Variants in RSPRY1 observed in about 807,000 individuals in gnomAD.
RSPRY1 encodes ring finger and SPRY domain containing 1, also known as RING finger and SPRY domain-containing protein 1.
Under a neutral mutation model 73.1 loss-of-function variants are expected in RSPRY1, and 23 were observed. The ratio of observed to expected loss-of-function variants is 0.31; its 90% CI spans 0.23 to 0.45. The LOEUF (loss-of-function observed/expected upper bound fraction) is 0.45, where lower values mean the gene tolerates loss of function less well. Among genes scored for constraint, RSPRY1 ranks in the 20% least tolerant of loss-of-function variants. RSPRY1 has a pLI of 1.00. For missense variants in RSPRY1, 448 were observed against 698.7 expected, an observed-to-expected ratio of 0.64 and a Z score of 4.05; for synonymous variants, 226 against 251.4, an observed-to-expected ratio of 0.90 and a Z score of 0.95.
chr16:57,230,905 A>G, intron 12 of RSPRY1, 92 bp downstream of exon 12: 1 of 773,212 alleles, frequency 1.3e-6, no homozygotes, highest in Non-Finnish European at 2.1e-6. Flanking sequence ...TTATATATGC[A>G]ATTGTGATGA....
intron 13 of RSPRY1, among the ~76,000 whole-genome samples, chr16:57,234,248 T>G (rs950017397): frequency 6.6e-6 from 1 of 152,150 alleles, no homozygotes; most frequent in East Asian, 1.9e-4. Flanking sequence ...ACCACAAAAC[T>G]TACTTCCTCA....
chr16:57,233,485 C>T (rs1343712981), intron 13 of RSPRY1, among the ~76,000 whole-genome samples: 3 of 152,178 alleles, frequency 2.0e-5, no homozygotes, highest in African/African-American at 4.8e-5. Context: ...GATCCTCCCA[C>T]CTCAGCCTCC....
intron 1 of RSPRY1, among the ~76,000 whole-genome samples, chr16:57,187,640 G>A (rs555001211): frequency 1.9e-4 from 29 of 152,204 alleles, no homozygotes; most frequent in Non-Finnish European, 4.0e-4. Context: ...AGGAATAAAA[G>A]TGAAGGCACT....
At chr16:57,221,210 C>T in intron 9 of RSPRY1, 62 bp from the exon 10 acceptor site, 1 of 1,583,702 alleles carries the variant, frequency 6.3e-7, no homozygotes, top group Non-Finnish European at 8.6e-7. Context: ...TCCCAGTAGT[C>T]AGTTATCTTT....
In RSPRY1 at chr16:57,216,957, T is replaced by C. The variant is rs1301926941; in HGVS notation, c.823T>C (p.Leu275=). The change falls in exon 8 of 15, where the codon TTG becomes CTG. Residue 275 remains leucine, a synonymous_variant. Transcript: ENST00000394420. ...ESSISDRLVT[L]ESWANDPDYL... ...CAGTATTAGTGACCGGCTTGTCACA[T>C]TGGAGTCCTGGGCTAATGATCCTGA... 1 of 1,613,872 alleles carries C rather than the reference T, an allele frequency of 6.2e-7. No homozygotes were observed. The highest frequency in any genetic ancestry group is 1.3e-5 in the African/African-American group (1 of 75,062).
At chr16:57,227,776 G>A (rs2075141768) in intron 11 of RSPRY1, among the ~76,000 whole-genome samples, 1 of 152,140 alleles carries the variant, frequency 6.6e-6, no homozygotes, top group South Asian at 2.1e-4. Context: ...AGGGACACTG[G>A]AATTGTAATG....
chr16:57,212,846 CT>C, intron 4 of RSPRY1, 125 bp from the exon 5 acceptor site: 1 of 892,702 alleles, frequency 1.1e-6, no homozygotes, highest in Non-Finnish European at 1.7e-6. Flanking sequence ...AACTCTTGAC[CT>C]TGTGGTCCGC....
chr16:57,196,603 C>G (rs1394553695), intron 1 of RSPRY1, among the ~76,000 whole-genome samples: 1 of 152,146 alleles, frequency 6.6e-6, no homozygotes, highest in Non-Finnish European at 1.5e-5. Flanking sequence ...CTAATGCCGT[C>G]TATGGGATGA....
At chr16:57,198,176 G>A (rs1211054362) in intron 1 of RSPRY1, among the ~76,000 whole-genome samples, 1 of 152,118 alleles carries the variant, frequency 6.6e-6, no homozygotes, top group East Asian at 1.9e-4. Context: ...ACGAGGTCAG[G>A]AGATCGAGAC....
chr16:57,220,471 G>A lies in RSPRY1; in HGVS notation c.902-261G>A, dbSNP rs568217134. 4 of 227,198 alleles carry A rather than the reference G, an allele frequency of 1.8e-5. No individual in the cohort carries two copies. The East Asian group carries it at 3.5e-4, about 20-fold the overall frequency. 14.1% of individuals were successfully genotyped at this position (227,198 alleles called of 1,614,324 possible). A position where few individuals can be genotyped will look rare whatever the true frequency, so the allele number is the denominator to read the frequency against. The stretch of plus-strand genomic sequence containing the variant: ...TTGTTTGCTATTGGCATATAGAAAT[G>A]CTATTGATTTTTGTCTGTTAATTTT... On this transcript the variant is annotated intron_variant, in intron 8 of 14. Transcript: ENST00000394420.
At chr16:57,196,468 G>A (rs933257460) in intron 1 of RSPRY1, among the ~76,000 whole-genome samples, 3 of 152,180 alleles carry the variant, frequency 2.0e-5, no homozygotes, top group African/African-American at 7.2e-5. Flanking sequence ...AAATGTGGCT[G>A]CCATCAGAGT....
intron 12 of RSPRY1, 36 bp downstream of exon 12, chr16:57,230,849 TG>T: frequency 1.7e-6 from 2 of 1,162,312 alleles, no homozygotes; most frequent in Non-Finnish European, 2.6e-6. Flanking sequence ...TTCGAGTAGA[TG>T]CACGGAATGC....
Position 57,213,052 on chromosome 16 carries a change from C to A in RSPRY1, c.597C>A (p.His199Gln). The change falls in exon 5 of 15, where the codon CAC becomes CAA. Residue 199 changes from histidine (H) to glutamine (Q), a missense_variant. Transcript: ENST00000394420. ...AGGACTCAAGCCATCCTGCCAAACA[C>A]AGGAACACATCTGCAGTCCTAGGCT... ...ACQDSSHPAK[H>Q]RNTSAVLGCL... 2 of 1,614,128 alleles carry A rather than the reference C, an allele frequency of 1.2e-6. No individual in the cohort carries two copies. Among genetic ancestry groups the A allele is most frequent in the South Asian group, 1.1e-5 (1 of 91,074 alleles).
Position 57,214,218 on chromosome 16 carries a change from G to A in RSPRY1, c.702+272G>A, listed in dbSNP as rs143618678. ...GATAGCTGCTATGATTGGCTCTTTT[G>A]CATGTTCCTTGAGTTTGCCAAATGG... On this transcript the variant is annotated intron_variant, in intron 6 of 14. Transcript: ENST00000394420. Among the ~76,000 whole-genome samples the A allele has an allele frequency of 6.8e-4, 103 of 152,292 alleles. 1 individual carries two copies. In the East Asian group the frequency reaches 0.017, roughly 25 times the overall value.
chr16:57,189,872 T>G (rs959015629), intron 1 of RSPRY1, among the ~76,000 whole-genome samples: 19 of 152,104 alleles, frequency 1.2e-4, no homozygotes, highest in African/African-American at 4.6e-4. Flanking sequence ...ATTACAGGTG[T>G]GAGCCACCAT....
chr16:57,186,466 C>A lies in RSPRY1; in HGVS notation c.-156+15C>A. The A allele has an allele frequency of 6.5e-6, 1 of 154,620 alleles. No individual in the cohort carries two copies. The highest frequency in any genetic ancestry group is 1.8e-4 in the South Asian group (1 of 5,508). 9.6% of individuals were successfully genotyped at this position (154,620 alleles called of 1,614,324 possible). A position where few individuals can be genotyped will look rare whatever the true frequency, so the allele number is the denominator to read the frequency against. ...AGGTAGAGAAAGTCAGTGCCACAGC[C>A]CGACCGCGCTGCTCTGAGCCCTGGG... On this transcript the variant is annotated intron_variant, in intron 1 of 14. Coordinates refer to ENST00000394420, the MANE Select transcript of RSPRY1 (RefSeq NM_133368.3).
At chr16:57,187,293 GCTGCCTCACTTT>G (rs2074240067) in intron 1 of RSPRY1, among the ~76,000 whole-genome samples, 2 of 152,158 alleles carry the variant, frequency 1.3e-5, no homozygotes, top group African/African-American at 4.8e-5. Context: ...TGTCTCTCCT[GCTGCCTCACTTT>G]CCCCGTCTTT....
intron 11 of RSPRY1, among the ~76,000 whole-genome samples, chr16:57,230,005 CTTTTTTTTTTTTT>C (rs544045998): frequency 8.9e-5 from 4 of 44,954 alleles, no homozygotes; most frequent in Non-Finnish European, 1.6e-4. Context: ...ACGCCCTGCC[CTTTTTTTTTTTTT>C]TTTTTTTTTT....
intron 3 of RSPRY1, among the ~76,000 whole-genome samples, chr16:57,208,473 A>C (rs1393632597): frequency 1.0e-4 from 15 of 145,696 alleles, no homozygotes; most frequent in Non-Finnish European, 1.8e-4. Flanking sequence ...TCACAGCTCA[A>C]CTACAGCCTC....
Sources: gnomAD v4.1 joint callset for allele counts (sites outside exome capture counted in the v4.1 genomes callset) on GRCh38, gnomAD v4.1.1 for gene constraint, MANE v1.5 for transcripts, NCBI Gene and HGNC (gene_info 2026-07-23, HGNC 2026-07-21) for gene names.